Variants in SLC35F5 observed in about 807,000 individuals in gnomAD.
The protein encoded by SLC35F5 is HCV NS5A-transactivated protein 3.
SLC35F5 carries 54 observed loss-of-function variants against 68.6 expected under a neutral mutation model. The observed-to-expected ratio is 0.79, with a 90% CI of 0.63 to 0.99. The LOEUF (loss-of-function observed/expected upper bound fraction) is 0.99. Among genes scored for constraint, SLC35F5 ranks in the 50% least tolerant of loss-of-function variants. The pLI, the probability that SLC35F5 is intolerant of heterozygous loss-of-function variation, is 0.00. For missense variants in SLC35F5, 567 were observed against 626.9 expected, an observed-to-expected ratio of 0.90 and a Z score of 1.02; for synonymous variants, 211 against 205.2, an observed-to-expected ratio of 1.03 and a Z score of -0.24.
intron 9 of SLC35F5, chr2:113,733,399 C>A: frequency 2.8e-6 from 1 of 351,206 alleles, no homozygotes; most frequent in South Asian, 2.3e-5. Context: ...CCTTCTTTAT[C>A]AAGTCTTTAT....
At chr2:113,723,677 TTTTGATTTGGCTTGGCA>T (rs1341769086) in intron 12 of SLC35F5, among the ~76,000 whole-genome samples, 9 of 152,198 alleles carry the variant, frequency 5.9e-5, no homozygotes, top group Admixed American at 3.9e-4. Flanking sequence ...TGTGTTACTC[TTTTGATTTGGCTTGGCA>T]TAAAAAAAGA....
chr2:113,731,577 T>G lies in SLC35F5; in HGVS notation c.985+7A>C. ...CTAACAGAGAGAATCCAGAGTCCAG[T>G]ACTTACCTACTGTGTCTCTTCCAGC... On this transcript the variant is annotated splice_region_variant and intron_variant, in intron 10 of 15. Coordinates refer to ENST00000245680, the MANE Select transcript of SLC35F5 (RefSeq NM_025181.5). 1 of 1,610,262 alleles carries G rather than the reference T, an allele frequency of 6.2e-7. No homozygotes were observed. The highest frequency in any genetic ancestry group is 1.3e-5 in the African/African-American group (1 of 74,930).
chr2:113,745,269 A>G (rs1168582575), intron 5 of SLC35F5, among the ~76,000 whole-genome samples: 1 of 151,812 alleles, frequency 6.6e-6, no homozygotes, highest in Non-Finnish European at 1.5e-5. Flanking sequence ...AGATCCCAGG[A>G]AAAAAAAATT....
intron 7 of SLC35F5, among the ~76,000 whole-genome samples, chr2:113,740,840 T>C (rs1676244328): frequency 6.6e-6 from 1 of 152,194 alleles, no homozygotes; most frequent in Non-Finnish European, 1.5e-5. Flanking sequence ...TTGGCCAGGA[T>C]GGTCTCAATC....
At position 113,743,694 on chromosome 2, in the gene SLC35F5, A is replaced by T; in HGVS notation, c.562+19T>A. ...TTGAATAAAGGTAAACTTTCTACCC[A>T]TTTCCAAGTTTTGCTTACTTTTTTC... On this transcript the variant is annotated intron_variant, in intron 6 of 15. Coordinates refer to ENST00000245680, the MANE Select transcript of SLC35F5 (RefSeq NM_025181.5). 1 of 1,600,774 alleles carries T rather than the reference A, an allele frequency of 6.2e-7. No homozygotes were observed. Among genetic ancestry groups the T allele is most frequent in the Non-Finnish European group, 8.5e-7 (1 of 1,170,168 alleles).
intron 7 of SLC35F5, among the ~76,000 whole-genome samples, chr2:113,738,263 C>T (rs1390606585): frequency 6.6e-6 from 1 of 152,132 alleles, no homozygotes; most frequent in South Asian, 2.1e-4. Context: ...CATTTCCCTA[C>T]CATTCTACTC....
chr2:113,735,946 TCC>T, intron 7 of SLC35F5, 88 bp from the exon 8 acceptor site: 1 of 817,502 alleles, frequency 1.2e-6, no homozygotes, highest in Non-Finnish European at 2.0e-6. Context: ...TTTGTTCTCC[TCC>T]TAAATACCGT....
At chr2:113,731,704 T>C in intron 9 of SLC35F5, 56 bp from the exon 10 acceptor site, 1 of 1,379,288 alleles carries the variant, frequency 7.3e-7, no homozygotes. Flanking sequence ...AGCCTAATCA[T>C]GAAGATAAAA....
rs921092218 is a variant in SLC35F5, at chr2:113,755,793, A to G, written c.41-249T>C. The G allele has an allele frequency of 7.4e-6, 11 of 1,478,608 alleles. No homozygotes were observed. The Admixed American group carries it at 2.2e-4, about 29-fold the overall frequency. 91.6% of individuals were successfully genotyped at this position (1,478,608 alleles called of 1,614,324 possible). On this transcript the variant is annotated intron_variant, in intron 1 of 15. Transcript: ENST00000245680. ...GTAATATACAACATACGGCACATTTAAGAACAGTTAACTACCAGAAAATAG... is the reference window on the plus strand; with the variant it reads ...GTAATATACAACATACGGCACATTTGAGAACAGTTAACTACCAGAAAATAG...
intron 9 of SLC35F5, chr2:113,733,336 G>T: frequency 3.2e-6 from 1 of 310,180 alleles, no homozygotes; most frequent in Non-Finnish European, 6.7e-6. Context: ...TTAATGAGAA[G>T]AAGTAATGTA....
intron 1 of SLC35F5, chr2:113,756,066 C>T (rs1676972663): frequency 1.4e-6 from 2 of 1,459,614 alleles, no homozygotes; most frequent in East Asian, 5.0e-5. Flanking sequence ...AACATCCAGT[C>T]ATTTTAAAAG....
At chr2:113,730,366 T>A (rs561023661) in intron 10 of SLC35F5, among the ~76,000 whole-genome samples, 22 of 152,352 alleles carry the variant, frequency 1.4e-4, no homozygotes, top group African/African-American at 5.3e-4. Context: ...AAATTTTTTT[T>A]ATTATTTTCA....
chr2:113,754,238 C>T (rs1055439422), intron 3 of SLC35F5, among the ~76,000 whole-genome samples: 1 of 148,754 alleles, frequency 6.7e-6, no homozygotes, highest in African/African-American at 2.5e-5. Flanking sequence ...TGCAGTGAGC[C>T]GAGATCGCAC....
At chr2:113,734,317 G>A (rs1219672472) in intron 9 of SLC35F5, among the ~76,000 whole-genome samples, 1 of 152,182 alleles carries the variant, frequency 6.6e-6, no homozygotes, top group Non-Finnish European at 1.5e-5. Context: ...CATTAAGTGT[G>A]AACGTCAGTC....
At chr2:113,720,477 GAAT>G (rs746304291) in intron 13 of SLC35F5, among the ~76,000 whole-genome samples, 6 of 152,072 alleles carry the variant, frequency 3.9e-5, no homozygotes, top group Non-Finnish European at 5.9e-5. Context: ...CATAACACAA[GAAT>G]AATAACTGAC....
intron 13 of SLC35F5, among the ~76,000 whole-genome samples, chr2:113,719,995 G>C (rs1687363398): frequency 6.6e-6 from 1 of 151,056 alleles, no homozygotes; most frequent in Non-Finnish European, 1.5e-5. Context: ...ATTTATCAGA[G>C]TTGTCAAGAA....
chr2:113,719,805 T>C (rs935073836), intron 13 of SLC35F5: 5 of 152,060 alleles, frequency 3.3e-5, no homozygotes, highest in African/African-American at 1.2e-4. Context: ...TAAGTGCAAA[T>C]TTGACACTCA....
intron 4 of SLC35F5, among the ~76,000 whole-genome samples, chr2:113,747,509 A>G (rs922319713): frequency 2.6e-5 from 4 of 152,192 alleles, no homozygotes; most frequent in African/African-American, 7.2e-5. Flanking sequence ...AACCCTAACA[A>G]ATCAGTAATA....
In SLC35F5 at chr2:113,709,186, G is replaced by A. The variant is rs1454883823; in HGVS notation, c.*6032C>T. ...CTGGAACTACAAAACTATGGCCTAT[G>A]TGGTGTCACTGTTATTCACTCTTTA... On this transcript the variant is annotated 3_prime_UTR_variant, in exon 16 of 16. Transcript: ENST00000245680. Among the ~76,000 whole-genome samples, 1 of 152,144 alleles carries A rather than the reference G, an allele frequency of 6.6e-6. No homozygotes were observed. The highest frequency in any genetic ancestry group is 2.1e-4 in the South Asian group (1 of 4,816).
Sources: gnomAD v4.1 joint callset for allele counts (sites outside exome capture counted in the v4.1 genomes callset) on GRCh38, gnomAD v4.1.1 for gene constraint, MANE v1.5 for transcripts, NCBI Gene and HGNC (gene_info 2026-07-23, HGNC 2026-07-21) for gene names.